The following EYS variants were observed in gnomAD, a reference collection of about 807,000 sequenced individuals.
EYS encodes the protein EGF-like photoreceptor maintenance factor.
A neutral mutation model predicts 282.1 loss-of-function variants in EYS; 250 were observed. The observed-to-expected ratio is 0.89, with a 90% CI of 0.80 to 0.98. The LOEUF (loss-of-function observed/expected upper bound fraction) is 0.98. EYS is among the 50% of genes least tolerant of loss of function. The pLI is 0.00. For synonymous variants in EYS, 1,355 were observed against 1,282.9 expected (o/e 1.06, Z -1.20); for missense variants, 4,016 against 3,709.0 (o/e 1.08, Z -2.15).
intron 12 of EYS, among the ~76,000 whole-genome samples, chr6:65,107,505 T>C (rs1775076692): frequency 1.3e-5 from 2 of 151,740 alleles, no homozygotes; most frequent in South Asian, 4.1e-4. Context: ...GATCTAACTT[T>C]TATGGTGTAA....
chr6:64,754,731 C>T (rs545997958), intron 22 of EYS, among the ~76,000 whole-genome samples: 5 of 152,164 alleles, frequency 3.3e-5, no homozygotes, highest in Middle Eastern at 3.4e-3. Flanking sequence ...TAAAAAGCAT[C>T]TGATGAAATT....
chr6:63,809,450 A>G (rs1770985014), intron 36 of EYS, among the ~76,000 whole-genome samples: 1 of 152,198 alleles, frequency 6.6e-6, no homozygotes, highest in Admixed American at 6.5e-5. Context: ...TATTAAATGT[A>G]TATATTTTTT....
chr6:65,139,571 G>C (rs7768268), intron 12 of EYS, among the ~76,000 whole-genome samples: 4,292 of 152,072 alleles, frequency 0.028, 157 homozygotes, highest in African/African-American at 0.086. Context: ...TGCCCACGTA[G>C]CCCTGAACCT....
intron 35 of EYS, among the ~76,000 whole-genome samples, chr6:63,904,649 C>A (rs1773733284): frequency 6.6e-6 from 1 of 152,178 alleles, no homozygotes. Context: ...CTCTGCAGTT[C>A]TTGGGGAAGG....
chr6:65,075,417 T>A (rs571288283), intron 12 of EYS, among the ~76,000 whole-genome samples: 1 of 152,188 alleles, frequency 6.6e-6, no homozygotes, highest in East Asian at 1.9e-4. Flanking sequence ...TCATTTAACT[T>A]ATATATAACT....
chr6:65,564,578 A>G (rs1769201329), intron 2 of EYS, among the ~76,000 whole-genome samples: 1 of 152,272 alleles, frequency 6.6e-6, no homozygotes, highest in African/African-American at 2.4e-5. Flanking sequence ...CATATGCAGA[A>G]AACTGAAACT....
intron 22 of EYS, among the ~76,000 whole-genome samples, chr6:64,645,723 T>C (rs1240492033): frequency 6.6e-6 from 1 of 152,294 alleles, no homozygotes. Context: ...AATAAACTTA[T>C]TAGAATGCTG....
At chr6:63,921,901 T>G (rs1276594862) in intron 35 of EYS, among the ~76,000 whole-genome samples, 2 of 152,154 alleles carry the variant, frequency 1.3e-5, no homozygotes, top group African/African-American at 4.8e-5. Context: ...TTAACACACA[T>G]CTTCTATGAG....
At chr6:65,503,300 G>C (rs932400726) in intron 2 of EYS, among the ~76,000 whole-genome samples, 1 of 151,496 alleles carries the variant, frequency 6.6e-6, no homozygotes, top group Non-Finnish European at 1.5e-5. Context: ...TCTTATGCAC[G>C]TTTAATTAGT....
intron 8 of EYS, among the ~76,000 whole-genome samples, chr6:65,362,597 A>G (rs1336708259): frequency 6.6e-6 from 1 of 151,728 alleles, no homozygotes; most frequent in African/African-American, 2.4e-5. Context: ...GTACGTATAC[A>G]TTTATATATA....
intron 36 of EYS, chr6:63,822,030 G>A (rs1175570712): frequency 6.6e-6 from 1 of 152,172 alleles, no homozygotes; most frequent in Non-Finnish European, 1.5e-5. Flanking sequence ...TAGCAAAACA[G>A]GGGAGAAAGA....
At chr6:63,985,444 C>T (rs1384323) in intron 34 of EYS, among the ~76,000 whole-genome samples, 53,231 of 151,388 alleles carry the variant, frequency 0.35, 9,431 homozygotes, top group South Asian at 0.38. Flanking sequence ...TGGTACTTTG[C>T]TATGGCAACC....
At chr6:63,893,631 C>T (rs894244959) in intron 35 of EYS, among the ~76,000 whole-genome samples, 10 of 152,032 alleles carry the variant, frequency 6.6e-5, no homozygotes, top group South Asian at 4.1e-4. Context: ...ATGTAGATGA[C>T]GGACTGATGG....
At chr6:64,576,197 T>C (rs1158931957) in intron 26 of EYS, among the ~76,000 whole-genome samples, 1 of 152,084 alleles carries the variant, frequency 6.6e-6, no homozygotes. Context: ...GTGAAAAACC[T>C]GTAGTAAGTG....
At chr6:63,795,340 G>A (rs1770618695) in intron 37 of EYS, among the ~76,000 whole-genome samples, 2 of 152,162 alleles carry the variant, frequency 1.3e-5, no homozygotes, top group South Asian at 4.1e-4. Context: ...GTGGATGGTG[G>A]CATTGTTAGG....
At chr6:64,242,252 T>G (rs977133288) in intron 30 of EYS, among the ~76,000 whole-genome samples, 2 of 152,084 alleles carry the variant, frequency 1.3e-5, no homozygotes, top group Non-Finnish European at 2.9e-5. Context: ...CTGTCTAATA[T>G]TGACAGTGGG....
chr6:63,926,606 T>G (rs1764722888), intron 35 of EYS, among the ~76,000 whole-genome samples: 1 of 152,194 alleles, frequency 6.6e-6, no homozygotes, highest in African/African-American at 2.4e-5. Flanking sequence ...GTACAGGAAC[T>G]AGACTGAATA....
chr6:63,743,107 T>C (rs1393214553), intron 41 of EYS, among the ~76,000 whole-genome samples: 1 of 152,230 alleles, frequency 6.6e-6, no homozygotes, highest in Non-Finnish European at 1.5e-5. Flanking sequence ...GTGAGGGATC[T>C]AGTTTCTCTA....
chr6:64,294,936 C>T (rs1248386904), intron 30 of EYS, among the ~76,000 whole-genome samples: 1 of 152,084 alleles, frequency 6.6e-6, no homozygotes, highest in Admixed American at 6.6e-5. Flanking sequence ...AAGATGATTG[C>T]CTCAAGGAGA....
Sources: allele counts gnomAD v4.1 joint callset (sites outside exome capture counted in the v4.1 genomes callset), GRCh38; gene constraint gnomAD v4.1.1; transcripts MANE v1.5; gene names NCBI Gene and HGNC (gene_info 2026-07-23, HGNC 2026-07-21).